The following KIAA0232 variants were observed in gnomAD, a reference collection of about 807,000 sequenced individuals.
The protein encoded by KIAA0232 is uncharacterized protein KIAA0232.
A neutral mutation model predicts 122.0 loss-of-function variants in KIAA0232; 27 were observed. That is an observed-to-expected ratio of 0.22 (90% CI 0.16 to 0.31). The LOEUF (loss-of-function observed/expected upper bound fraction) is 0.31, where lower values mean the gene tolerates loss of function less well. KIAA0232 is among the 10% of genes least tolerant of loss of function. The pLI is 1.00. For missense variants in KIAA0232, 1,551 were observed against 1,634.2 expected (o/e 0.95, Z 0.88); for synonymous variants, 613 against 587.6 (o/e 1.04, Z -0.63).
Position 6,881,285 on chromosome 4 carries a change from C to T in KIAA0232, c.*319C>T, listed in dbSNP as rs3733606. 32,373 of 195,166 alleles carry T rather than the reference C, an allele frequency of 0.17. 3,460 individuals carry two copies. The highest frequency in any genetic ancestry group is 0.53 in the East Asian group (4,310 of 8,164). 12.1% of individuals were successfully genotyped at this position (195,166 alleles called of 1,614,324 possible). A position where few individuals can be genotyped will look rare whatever the true frequency, so the allele number is the denominator to read the frequency against. On this transcript the variant is annotated 3_prime_UTR_variant, in exon 10 of 10. Transcript: ENST00000307659. Reference sequence around the variant, plus strand: ...ATCTTAACTGCAGTTAATTTTCCTTCCGACTGCGGTTATATCACTATGACC... The same window carrying T: ...ATCTTAACTGCAGTTAATTTTCCTTTCGACTGCGGTTATATCACTATGACC...
intron 4 of KIAA0232, among the ~76,000 whole-genome samples, chr4:6,844,099 C>T (rs1719823132): frequency 6.6e-6 from 1 of 151,688 alleles, no homozygotes; most frequent in Non-Finnish European, 1.5e-5. Flanking sequence ...GCCACCACGC[C>T]CGGCTAATTT....
chr4:6,854,138 CA>C (rs1243963909), intron 4 of KIAA0232, among the ~76,000 whole-genome samples: 1 of 152,000 alleles, frequency 6.6e-6, no homozygotes, highest in Admixed American at 6.5e-5. Context: ...AGTGATGAAT[CA>C]AAAAACAAGA....
rs16839429 is a variant in KIAA0232, at chr4:6,879,119, C to A, written c.4009-1668C>A. ...TTACCACTTTGTTCAAGCCACTGTC[C>A]CTGCTCCTGAACAGCTGCCATGGTC... On this transcript the variant is annotated intron_variant, in intron 9 of 9. Coordinates refer to ENST00000307659, the MANE Select transcript of KIAA0232 (RefSeq NM_014743.3). Among the ~76,000 whole-genome samples, 772 of 152,266 alleles carry A rather than the reference C, an allele frequency of 5.1e-3. 13 individuals are homozygous for A. The highest frequency in any genetic ancestry group is 0.048 in the East Asian group (246 of 5,178).
chr4:6,862,925 C>G lies in KIAA0232; in HGVS notation c.2543C>G (p.Ala848Gly), dbSNP rs757945276. 2 of 1,614,064 alleles carry G rather than the reference C, an allele frequency of 1.2e-6. No individual in the cohort carries two copies. Among genetic ancestry groups the G allele is most frequent in the African/African-American group, 2.7e-5 (2 of 74,912 alleles). ...ACAGTAGAAATAGAAAGAACTGATGCTGAGTTGTTTTCGGCAGATGTAAAT... is the reference window on the plus strand; with the variant it reads ...ACAGTAGAAATAGAAAGAACTGATGGTGAGTTGTTTTCGGCAGATGTAAAT... ...VATVEIERTD[A>G]ELFSADVNNY... Residue 848 changes from alanine to glycine, a missense_variant, in exon 7 of 10, where the codon GCT (alanine) becomes GGT (glycine). Coordinates refer to ENST00000307659, the MANE Select transcript of KIAA0232 (RefSeq NM_014743.3).
At chr4:6,808,367 T>G (rs772532623) in intron 2 of KIAA0232, among the ~76,000 whole-genome samples, 32 of 151,046 alleles carry the variant, frequency 2.1e-4, no homozygotes, top group Non-Finnish European at 2.4e-4. Context: ...TTGCAGGTAA[T>G]GCAGTGTCTT....
chr4:6,824,137 T>TATTATTTATATATAATGC, intron 2 of KIAA0232, 48 bp from the exon 3 acceptor site: 1 of 425,476 alleles, frequency 2.4e-6, no homozygotes, highest in East Asian at 3.3e-5. Context: ...GTCAATAATT[T>TATTATTTATATATAATGC]ATTATTTATA....
chr4:6,871,907 G>A (rs1200193131), intron 8 of KIAA0232, among the ~76,000 whole-genome samples: 1 of 152,166 alleles, frequency 6.6e-6, no homozygotes. Context: ...ATATCCAAGC[G>A]TTACTGACCA....
chr4:6,881,137 A>T lies in KIAA0232; in HGVS notation c.*171A>T. On this transcript the variant is annotated 3_prime_UTR_variant, in exon 10 of 10. Coordinates refer to ENST00000307659, the MANE Select transcript of KIAA0232 (RefSeq NM_014743.3). ...GCTTATTTTAGAGTTGAGGACAGCT[A>T]TCCTGTTAAAGATTTTTTTTCCCAG... The T allele has an allele frequency of 2.1e-6, 1 of 483,036 alleles. No homozygotes were observed. The highest frequency in any genetic ancestry group is 4.4e-5 in the Admixed American group (1 of 22,890). 29.9% of individuals were successfully genotyped at this position (483,036 alleles called of 1,614,324 possible).
chr4:6,792,337 A>G (rs1345363878), intron 1 of KIAA0232, among the ~76,000 whole-genome samples: 1 of 152,132 alleles, frequency 6.6e-6, no homozygotes, highest in Non-Finnish European at 1.5e-5. Flanking sequence ...ATTTTTGTAC[A>G]TATGTCTTAG....
At chr4:6,826,066 C>G (rs1718662720) in intron 3 of KIAA0232, among the ~76,000 whole-genome samples, 1 of 152,104 alleles carries the variant, frequency 6.6e-6, no homozygotes, top group African/African-American at 2.4e-5. Flanking sequence ...CCTCCCACCT[C>G]AGCCTCCCAA....
intron 1 of KIAA0232, among the ~76,000 whole-genome samples, chr4:6,790,973 C>T (rs1716867902): frequency 7.0e-6 from 1 of 143,280 alleles, no homozygotes; most frequent in Non-Finnish European, 1.5e-5. Context: ...GGCTGGAGTC[C>T]AGTGGTACAA....
At chr4:6,850,358 G>T (rs150275527) in intron 4 of KIAA0232, among the ~76,000 whole-genome samples, 32 of 152,246 alleles carry the variant, frequency 2.1e-4, no homozygotes, top group African/African-American at 7.0e-4. Context: ...ACCCCGCTTG[G>T]TGTTTGTCTT....
rs1489718564 is a variant in KIAA0232, at chr4:6,871,665, C to A, written c.3893C>A (p.Pro1298His). Residue 1298 changes from proline to histidine, a missense_variant, in exon 8 of 10, where the codon CCT becomes CAT. Physicochemically the swap from Pro to His is moderately conservative, Grantham distance 77 (BLOSUM62 -2). Transcript: ENST00000307659. ...AAAGCCTTGTACTCTCCTCTTTTTC[C>A]TGCATCAGAGTGTGAAGGTAAGGAG... ...WEKALYSPLF[P>H]ASECEECYTN... The A allele has an allele frequency of 6.2e-7, 1 of 1,605,484 alleles. No homozygotes were observed. Among genetic ancestry groups the A allele is most frequent in the Admixed American group, 1.7e-5 (1 of 59,842 alleles).
At chr4:6,803,543 T>G (rs181185251) in intron 1 of KIAA0232, among the ~76,000 whole-genome samples, 1 of 152,300 alleles carries the variant, frequency 6.6e-6, no homozygotes, top group Non-Finnish European at 1.5e-5. Flanking sequence ...AAGATTACCC[T>G]GATTAAAATT....
In KIAA0232 at chr4:6,842,224, C is replaced by T. The variant is rs374114099; in HGVS notation, c.369+20C>T. The T allele has an allele frequency of 8.8e-6, 14 of 1,584,092 alleles. No homozygotes were observed. Among genetic ancestry groups the T allele is most frequent in the East Asian group, 2.3e-5 (1 of 42,586 alleles). On this transcript the variant is annotated intron_variant, in intron 4 of 9. Coordinates refer to ENST00000307659, the MANE Select transcript of KIAA0232 (RefSeq NM_014743.3). The stretch of plus-strand genomic sequence containing the variant: ...GATGAAGTAAGTTTACATTTTGTTT[C>T]TAACACTTAAGAGAATAAAAGAAGG...
chr4:6,877,188 C>T (rs1446467532), intron 9 of KIAA0232, among the ~76,000 whole-genome samples: 2 of 152,128 alleles, frequency 1.3e-5, no homozygotes, highest in African/African-American at 2.4e-5. Flanking sequence ...GCCGCTGTCC[C>T]GGCTTCTGCA....
intron 2 of KIAA0232, 27 bp downstream of exon 2, chr4:6,804,633 T>C (rs1440518727): frequency 2.6e-5 from 4 of 152,066 alleles, no homozygotes; most frequent in Non-Finnish European, 5.9e-5. Flanking sequence ...ATGTGGGAAA[T>C]GGGAAAATGT....
At position 6,857,200 on chromosome 4, in the gene KIAA0232, T is replaced by A; in HGVS notation, c.406T>A (p.Ser136Thr). The A allele has an allele frequency of 6.2e-7, 1 of 1,611,560 alleles. No individual in the cohort carries two copies. Residue 136 changes from serine to threonine, a missense_variant, in exon 5 of 10, where the codon TCC (serine) becomes ACC (threonine). Ser to Thr is a moderately conservative substitution (Grantham distance 58). Transcript: ENST00000307659. The part of the protein sequence containing the change: ...GIETLVEELC[S>T]RLKDLQSKQE... ...CGAGACTTTAGTGGAGGAGCTCTGC[T>A]CCAGACTGAAAGACCTTCAGAGTAA...
chr4:6,865,720 C>T (rs1721141094), intron 7 of KIAA0232, among the ~76,000 whole-genome samples: 1 of 152,230 alleles, frequency 6.6e-6, no homozygotes, highest in African/African-American at 2.4e-5. Context: ...ATTGCACATC[C>T]AAATCCTACC....
Sources: allele counts gnomAD v4.1 joint callset (sites outside exome capture counted in the v4.1 genomes callset), GRCh38; gene constraint gnomAD v4.1.1; transcripts MANE v1.5; gene names NCBI Gene and HGNC (gene_info 2026-07-23, HGNC 2026-07-21).